Variants in MACROD2 observed in about 807,000 individuals in gnomAD.
The protein encoded by MACROD2 is mono-ADP ribosylhydrolase 2, also known as ADP-ribose glycohydrolase MACROD2.
MACROD2 carries 36 observed loss-of-function variants against 70.4 expected under a neutral mutation model. That is an observed-to-expected ratio of 0.51 (90% confidence interval 0.39 to 0.68). The LOEUF is 0.68. Among genes scored for constraint, MACROD2 ranks in the 30% least tolerant of loss-of-function variants. The pLI is 0.00. For synonymous variants in MACROD2, 172 were observed against 178.8 expected, an observed-to-expected ratio of 0.96 and a Z score of 0.30; for missense variants, 496 against 538.4, an observed-to-expected ratio of 0.92 and a Z score of 0.78.
At chr20:14,307,430 C>CAAA (rs2082530467) in intron 3 of MACROD2, among the ~76,000 whole-genome samples, 1 of 152,018 alleles carries the variant, frequency 6.6e-6, no homozygotes, top group Non-Finnish European at 1.5e-5. Flanking sequence ...TTATGGACTT[C>CAAA]ATTCACTTTT....
In MACROD2 at chr20:14,306,294, C is replaced by T. The variant is rs6042665; in HGVS notation, c.272-187185C>T. Reference sequence around the variant, plus strand: ...CTGATTCTACCTCTAAGGTACAATCCTTGGTAAGAAAGTCATATGTGTCAT... The same window carrying T: ...CTGATTCTACCTCTAAGGTACAATCTTTGGTAAGAAAGTCATATGTGTCAT... On this transcript the variant is annotated intron_variant, in intron 3 of 17. Transcript: ENST00000684519. 9.0e-3 allele frequency among the ~76,000 whole-genome samples: 1,374 copies of T among 151,932 alleles called. 21 individuals carry two copies. Among genetic ancestry groups the T allele is most frequent in the African/African-American group, 0.032 (1,306 of 41,432 alleles).
chr20:14,901,850 C>T (rs1455178787), intron 5 of MACROD2, among the ~76,000 whole-genome samples: 1 of 152,000 alleles, frequency 6.6e-6, no homozygotes, highest in East Asian at 1.9e-4. Flanking sequence ...GGATTGTATG[C>T]CTATCAGCTT....
intron 7 of MACROD2, among the ~76,000 whole-genome samples, chr20:15,439,163 C>T (rs548465130): frequency 3.3e-5 from 5 of 152,250 alleles, no homozygotes; most frequent in African/African-American, 1.2e-4. Context: ...CAGGAACATA[C>T]AGGTCAGCTG....
At chr20:14,838,980 C>T (rs2122264745) in intron 5 of MACROD2, among the ~76,000 whole-genome samples, 1 of 152,148 alleles carries the variant, frequency 6.6e-6, no homozygotes, top group Non-Finnish European at 1.5e-5. Flanking sequence ...TAATAGAAGC[C>T]ATATGCTGTG....
intron 3 of MACROD2, among the ~76,000 whole-genome samples, chr20:14,404,844 C>T (rs1417224718): frequency 6.6e-6 from 1 of 151,852 alleles, no homozygotes. Flanking sequence ...AATCCAAATA[C>T]AGTATCTATC....
chr20:14,978,913 T>A (rs1180311807), intron 5 of MACROD2, among the ~76,000 whole-genome samples: 1 of 135,980 alleles, frequency 7.4e-6, no homozygotes, highest in African/African-American at 3.0e-5. Flanking sequence ...ATATTATATA[T>A]AATATATATC....
chr20:14,196,089 G>A (rs901335404), intron 3 of MACROD2, among the ~76,000 whole-genome samples: 1 of 152,070 alleles, frequency 6.6e-6, no homozygotes, highest in Non-Finnish European at 1.5e-5. Flanking sequence ...CCGTCTGTAT[G>A]CTCCCCTAGA....
chr20:15,431,214 G>A (rs2046359901), intron 6 of MACROD2, among the ~76,000 whole-genome samples, 191 bp from the exon 7 acceptor site: 1 of 152,122 alleles, frequency 6.6e-6, no homozygotes, highest in African/African-American at 2.4e-5. Context: ...GTGAGCTGAT[G>A]TAACTGCTGA....
chr20:14,298,079 T>A (rs1327931547), intron 3 of MACROD2, among the ~76,000 whole-genome samples: 1 of 151,902 alleles, frequency 6.6e-6, no homozygotes, highest in Non-Finnish European at 1.5e-5. Flanking sequence ...ATATTTTAAG[T>A]CCTCTATTGA....
intron 5 of MACROD2, among the ~76,000 whole-genome samples, chr20:15,167,598 A>G (rs989681172): frequency 7.2e-5 from 11 of 152,206 alleles, no homozygotes; most frequent in African/African-American, 2.2e-4. Flanking sequence ...ATTATCTACT[A>G]TAATTACATT....
At chr20:14,927,133 C>T (rs1372544809) in intron 5 of MACROD2, among the ~76,000 whole-genome samples, 12 of 152,122 alleles carry the variant, frequency 7.9e-5, no homozygotes, top group Admixed American at 6.5e-4. Flanking sequence ...GAAAACATAT[C>T]GAGTGTGGAT....
intron 10 of MACROD2, among the ~76,000 whole-genome samples, chr20:15,887,033 G>T (rs2064830909): frequency 6.6e-6 from 1 of 152,088 alleles, no homozygotes; most frequent in African/African-American, 2.4e-5. Flanking sequence ...CAGAGGCCCT[G>T]ATTTTGTGTT....
chr20:14,062,506 T>A (rs560384654), intron 2 of MACROD2, among the ~76,000 whole-genome samples: 1 of 152,242 alleles, frequency 6.6e-6, no homozygotes, highest in East Asian at 1.9e-4. Flanking sequence ...AGAAGGGAAA[T>A]GGCATTCCAG....
chr20:15,554,991 T>C (rs2048147084), intron 8 of MACROD2, among the ~76,000 whole-genome samples: 1 of 152,238 alleles, frequency 6.6e-6, no homozygotes, highest in Non-Finnish European at 1.5e-5. Context: ...GCATTGCAAC[T>C]AAAATGCAGA....
chr20:14,780,248 C>G (rs1247940522), intron 5 of MACROD2, among the ~76,000 whole-genome samples: 2 of 151,784 alleles, frequency 1.3e-5, no homozygotes, highest in East Asian at 3.9e-4. Flanking sequence ...TCAGAACTAT[C>G]TGACATTAAA....
chr20:15,317,494 TATC>T lies in MACROD2; in HGVS notation c.540+87434_540+87436del, dbSNP rs1332393370. On this transcript the variant is annotated intron_variant, in intron 6 of 17. Transcript: ENST00000684519. ...TGTCCATCCATCTAATCTATCTATC[TATC>T]TATCTATCTATCTATCTATCTATCT... Among the ~76,000 whole-genome samples the T allele has an allele frequency of 5.4e-3, 766 of 142,676 alleles. 2 individuals carry two copies. The highest frequency in any genetic ancestry group is 0.021 in the Middle Eastern group (6 of 282). 93.6% of individuals were successfully genotyped at this position (142,676 alleles called of 152,430 possible).
chr20:16,006,598 T>A (rs949888738), intron 15 of MACROD2, among the ~76,000 whole-genome samples: 3 of 152,184 alleles, frequency 2.0e-5, no homozygotes, highest in African/African-American at 7.2e-5. Context: ...ACTCTATTTT[T>A]ATTGAAATGG....
At chr20:15,734,601 T>C (rs1235009657) in intron 8 of MACROD2, among the ~76,000 whole-genome samples, 1 of 152,248 alleles carries the variant, frequency 6.6e-6, no homozygotes, top group Non-Finnish European at 1.5e-5. Context: ...CACAGCACTT[T>C]GTTCCCTGAA....
chr20:14,229,238 T>C (rs1468958889), intron 3 of MACROD2, among the ~76,000 whole-genome samples: 2 of 152,120 alleles, frequency 1.3e-5, no homozygotes, highest in Non-Finnish European at 2.9e-5. Context: ...CTTCATTACA[T>C]AAAAAATTTC....
Sources: allele counts gnomAD v4.1 joint callset (sites outside exome capture counted in the v4.1 genomes callset), GRCh38; gene constraint gnomAD v4.1.1; transcripts MANE v1.5; gene names NCBI Gene and HGNC (gene_info 2026-07-23, HGNC 2026-07-21).